SIN3B: variants seen among roughly 807,000 people sequenced by gnomAD.
SIN3B encodes paired amphipathic helix protein Sin3b.
SIN3B carries 19 observed loss-of-function variants against 120.2 expected under a neutral mutation model. The observed-to-expected ratio is 0.16, with a 90% CI of 0.11 to 0.23. The LOEUF is 0.23. Ranked by LOEUF, SIN3B falls within the 10% of genes least tolerant of loss-of-function variation. SIN3B has a pLI of 1.00. For missense variants in SIN3B, 1,073 were observed against 1,573.0 expected (o/e 0.68, Z 5.38); for synonymous variants, 654 against 653.2 (o/e 1.00, Z -0.02).
chr19:16,862,516 A>G lies in SIN3B; in HGVS notation c.1223A>G (p.Tyr408Cys), dbSNP rs1234285002. The G allele has an allele frequency of 1.9e-6, 3 of 1,613,974 alleles. No homozygotes were observed. The highest frequency in any genetic ancestry group is 1.1e-5 in the South Asian group (1 of 91,068). Reference protein sequence around the residue: ...GSSYRALPKTYQQPKCSGRTA... With the variant: ...GSSYRALPKTCQQPKCSGRTA... ...AGCTACCGGGCACTCCCCAAAACCT[A>G]CCAGCAGCCCAAGTGCAGTGGGAGG... Residue 408 changes from tyrosine (Y) to cysteine (C), a missense_variant, in exon 9 of 19, where the codon TAC becomes TGC. Around this residue, in one of 7 missense-constraint regions of SIN3B, gnomAD observed 118 missense variants for 281.6 expected, o/e 0.42. Transcript: ENST00000248054. The surrounding 1 kb of genome is among the most constrained non-coding windows in gnomAD (Gnocchi z 4.7).
At position 16,869,774 on chromosome 19, in the gene SIN3B, T is replaced by C; in HGVS notation, c.2121T>C (p.Ser707=). Residue 707 remains serine (S), a synonymous_variant, in exon 13 of 19, where the codon AGT becomes AGC. Coordinates refer to ENST00000248054, the MANE Select transcript of SIN3B (RefSeq NM_001297595.2). ...AGAAGCCGGCGCCAGGACCCCACAG[T>C]AGCCCCCCAGAGGAGAAGGGGGCCT... ...ERKKPAPGPH[S]SPPEEKGAFG... is the part of the protein sequence containing the mutation. The C allele has an allele frequency of 1.9e-6, 3 of 1,613,486 alleles. No homozygotes were observed. Among genetic ancestry groups the C allele is most frequent in the Non-Finnish European group, 2.5e-6 (3 of 1,179,884 alleles).
In SIN3B at chr19:16,870,219, A is replaced by G. The variant is rs186260518; in HGVS notation, c.2422+144A>G. On this transcript the variant is annotated intron_variant, in intron 13 of 18. Coordinates refer to ENST00000248054, the MANE Select transcript of SIN3B (RefSeq NM_001297595.2). ...TGATTTCAAATGGGAAATTGCAAAC[A>G]GGAAGTTGCCAGCATAAGACAGAGG... The G allele has an allele frequency of 2.5e-4, 260 of 1,056,778 alleles. 1 individual carries two copies. The African/African-American group carries it at 4.0e-3, about 16-fold the overall frequency. 65.5% of individuals were successfully genotyped at this position (1,056,778 alleles called of 1,614,324 possible).
Position 16,865,625 on chromosome 19 carries a change from C to T in SIN3B, c.1599C>T (p.Thr533=), listed in dbSNP as rs747918884. 64 of 1,608,754 alleles carry T rather than the reference C, an allele frequency of 4.0e-5. No individual in the cohort carries two copies. The highest frequency in any genetic ancestry group is 1.0e-4 in the Admixed American group (6 of 59,736). ...AGAGCCTCAAGAAGAACCCTGTCACCGCTGTCCCCGTTGTCCTGAAAAGGT... is the reference window on the plus strand; with the variant it reads ...AGAGCCTCAAGAAGAACCCTGTCACTGCTGTCCCCGTTGTCCTGAAAAGGT... ...IIESLKKNPV[T]AVPVVLKRLK... The change falls in exon 11 of 19, where the codon ACC becomes ACT. Residue 533 remains threonine (T), a synonymous_variant. Coordinates refer to ENST00000248054, the MANE Select transcript of SIN3B (RefSeq NM_001297595.2).
At chr19:16,847,688 A>T (rs991755044) in intron 5 of SIN3B, among the ~76,000 whole-genome samples, 1 of 152,224 alleles carries the variant, frequency 6.6e-6, no homozygotes, top group Non-Finnish European at 1.5e-5. Context: ...TGAAGCTGCC[A>T]GGGCCGCCTG....
At chr19:16,857,889 T>A (rs1301630274) in intron 8 of SIN3B, among the ~76,000 whole-genome samples, 2 of 152,024 alleles carry the variant, frequency 1.3e-5, no homozygotes, top group Admixed American at 1.3e-4. Context: ...TTTCTTTTCT[T>A]TTTTTGAGAC....
rs1971247727 is a variant in SIN3B, at chr19:16,829,428, A to G, written c.8A>G (p.His3Arg). The change falls in exon 1 of 19, where the codon CAC (histidine) becomes CGC (arginine). Residue 3 changes from histidine to arginine, a missense_variant. His to Arg is a conservative substitution (Grantham distance 29). Transcript: ENST00000248054. Reference protein sequence around the residue: MAHAGGGSGGSGA... With the variant: MARAGGGSGGSGA... ...GCAGCTCCGACTTCGGACATGGCGCACGCTGGCGGTGGCAGCGGTGGCAGC... is the reference window on the plus strand; with the variant it reads ...GCAGCTCCGACTTCGGACATGGCGCGCGCTGGCGGTGGCAGCGGTGGCAGC... The G allele has an allele frequency of 1.7e-6, 2 of 1,206,076 alleles. No individual in the cohort carries two copies. The highest frequency in any genetic ancestry group is 4.2e-5 in the South Asian group (1 of 24,058). 74.7% of individuals were successfully genotyped at this position (1,206,076 alleles called of 1,614,324 possible).
Position 16,878,561 on chromosome 19 carries a change from A to C in SIN3B, c.3227A>C (p.Glu1076Ala). The C allele has an allele frequency of 6.2e-7, 1 of 1,608,366 alleles. No individual in the cohort carries two copies. Among genetic ancestry groups the C allele is most frequent in the Non-Finnish European group, 8.5e-7 (1 of 1,177,612 alleles). ...GAGGAGTGGCACAGCCGCTGGCTGGAGGACAATGTGACGGTGGAGGCGGCT... is the reference window on the plus strand; with the variant it reads ...GAGGAGTGGCACAGCCGCTGGCTGGCGGACAATGTGACGGTGGAGGCGGCT... ...HFEEWHSRWLEDNVTVEAASL... is the reference protein window; with the variant it reads ...HFEEWHSRWLADNVTVEAASL... The change falls in exon 19 of 19, where the codon GAG (glutamate) becomes GCG (alanine). Residue 1076 changes from glutamate (E) to alanine (A), a missense_variant. Glu to Ala is a moderately radical substitution (Grantham distance 107). Transcript: ENST00000248054.
intron 4 of SIN3B, chr19:16,844,224 T>G (rs938864534): frequency 6.6e-6 from 1 of 152,278 alleles, no homozygotes; most frequent in African/African-American, 2.4e-5. Flanking sequence ...AAGTTTGAAC[T>G]GTTGTGTAAA....
chr19:16,854,528 C>T, intron 8 of SIN3B: 1 of 373,706 alleles, frequency 2.7e-6, no homozygotes, highest in East Asian at 5.6e-5. Flanking sequence ...AATGCCTTTT[C>T]ATTTAACACT....
At chr19:16,845,333 C>T (rs528571407) in intron 4 of SIN3B, among the ~76,000 whole-genome samples, 39 of 152,282 alleles carry the variant, frequency 2.6e-4, no homozygotes, top group African/African-American at 8.2e-4. Context: ...AGTGCAGTGG[C>T]GCAATCTCGT....
intron 4 of SIN3B, among the ~76,000 whole-genome samples, chr19:16,843,426 C>T (rs1971442914): frequency 6.6e-6 from 1 of 152,224 alleles, no homozygotes; most frequent in African/African-American, 2.4e-5. Flanking sequence ...TCATCATGGG[C>T]CTTAGCATCT....
rs1219780869 is a variant in SIN3B, at chr19:16,862,711, AAACCACCTGAGCAGAGAC to A, written c.1266+156_1266+173del. The A allele has an allele frequency of 9.4e-7, 1 of 1,067,734 alleles. No homozygotes were observed. Among genetic ancestry groups the A allele is most frequent in the African/African-American group, 1.5e-5 (1 of 64,580 alleles). The allele number at this position is 1,067,734 out of a possible 1,614,324, so 66.1% of individuals were successfully genotyped here. On this transcript the variant is annotated intron_variant, in intron 9 of 18. Transcript: ENST00000248054. This position sits in a 1 kb window ranked among gnomAD's most constrained non-coding sequence, Gnocchi z 4.7. ...GGTGGTGCTGGGATGTGGCCCGGCA[AAACCACCTGAGCAGAGAC>A]AACAGTGTTGTACCCTGCTGGTAGT...
intron 14 of SIN3B, among the ~76,000 whole-genome samples, chr19:16,875,261 G>C (rs867361755): frequency 1.7e-4 from 23 of 132,696 alleles, no homozygotes; most frequent in African/African-American, 6.3e-4. Flanking sequence ...GGTCTGGTCT[G>C]GTTTTGGTCT....
chr19:16,878,623 G>A lies in SIN3B; in HGVS notation c.3289G>A (p.Glu1097Lys), dbSNP rs746740920. The A allele has an allele frequency of 1.3e-5, 21 of 1,613,184 alleles. No homozygotes were observed. Among genetic ancestry groups the A allele is most frequent in the Admixed American group, 6.7e-5 (4 of 59,938 alleles). The part of the protein sequence containing the change: ...VQDWLMGEED[E>K]DMVPCKTLCE... ...GGACTGGCTGATGGGTGAGGAGGACGAGGACATGGTACCCTGCAAGACGCT... is the reference window on the plus strand; with the variant it reads ...GGACTGGCTGATGGGTGAGGAGGACAAGGACATGGTACCCTGCAAGACGCT... The change falls in exon 19 of 19, where the codon GAG (glutamate) becomes AAG (lysine). Residue 1097 changes from glutamate (E) to lysine (K), a missense_variant. Coordinates refer to ENST00000248054, the MANE Select transcript of SIN3B (RefSeq NM_001297595.2).
chr19:16,870,360 C>T (rs1178526291), intron 13 of SIN3B, among the ~76,000 whole-genome samples: 1 of 151,622 alleles, frequency 6.6e-6, no homozygotes, highest in Non-Finnish European at 1.5e-5. Context: ...GCCGTCATGG[C>T]CCAGCTCCAC....
intron 10 of SIN3B, 68 bp downstream of exon 10, chr19:16,863,864 C>A: frequency 9.2e-7 from 1 of 1,088,574 alleles, no homozygotes; most frequent in Non-Finnish European, 1.4e-6. Context: ...GACATGCATC[C>A]TGATCCTCCT....
At chr19:16,852,398 G>A (rs1286806963) in intron 6 of SIN3B, among the ~76,000 whole-genome samples, 1 of 152,170 alleles carries the variant, frequency 6.6e-6, no homozygotes, top group Non-Finnish European at 1.5e-5. Flanking sequence ...AAGTAGCTGG[G>A]ACCACAGGTG....
chr19:16,854,387 GTGAT>G, intron 8 of SIN3B, 126 bp downstream of exon 8: 1 of 638,202 alleles, frequency 1.6e-6, no homozygotes, highest in South Asian at 1.9e-5. Context: ...ATTAATTGAC[GTGAT>G]TGATATAATT....
chr19:16,858,038 A>C (rs1213942503), intron 8 of SIN3B, among the ~76,000 whole-genome samples: 2 of 152,016 alleles, frequency 1.3e-5, no homozygotes, highest in East Asian at 3.9e-4. Context: ...GACCACACCC[A>C]GCTACTTTTT....
Sources: gnomAD v4.1 joint callset for allele counts (sites outside exome capture counted in the v4.1 genomes callset) on GRCh38, gnomAD v4.1.1 for gene constraint, gnomAD v4.1.1 regional missense constraint, Gnocchi (gnomAD v3.1) non-coding constraint, MANE v1.5 for transcripts, NCBI Gene and HGNC (gene_info 2026-07-23, HGNC 2026-07-21) for gene names.